Variants in GAP43 observed in about 807,000 individuals in gnomAD.
GAP43 encodes the protein neuromodulin.
A neutral mutation model predicts 18.6 loss-of-function variants in GAP43; 6 were observed. The observed-to-expected ratio is 0.32, with a 90% CI of 0.18 to 0.64. The LOEUF (loss-of-function observed/expected upper bound fraction) is 0.64. GAP43 is among the 30% of genes least tolerant of loss of function. The pLI is 0.78. For synonymous variants in GAP43, 115 were observed against 111.4 expected, an observed-to-expected ratio of 1.03 and a Z score of -0.20; for missense variants, 292 against 295.5, an observed-to-expected ratio of 0.99 and a Z score of 0.09.
In GAP43 at chr3:115,676,002, TC is replaced by T; in HGVS notation, c.31-10del. Reference sequence around the variant, plus strand: ...TGAAGCCCTCTCTTTTCCCTTCTTTTCTCGACAAAGGTTGAAAAAAATGATG... The same window carrying T: ...TGAAGCCCTCTCTTTTCCCTTCTTTTTCGACAAAGGTTGAAAAAAATGATG... On this transcript the variant is annotated splice_polypyrimidine_tract_variant and intron_variant, in intron 1 of 2. Transcript: ENST00000305124. 1 of 1,585,272 alleles carries T rather than the reference TC, an allele frequency of 6.3e-7. No individual in the cohort carries two copies. Among genetic ancestry groups the T allele is most frequent in the South Asian group, 1.2e-5 (1 of 85,344 alleles).
intron 2 of GAP43, among the ~76,000 whole-genome samples, chr3:115,698,133 T>TATATA (rs1709233768): frequency 2.1e-4 from 2 of 9,418 alleles, no homozygotes; most frequent in South Asian, 3.5e-3. Flanking sequence ...TTATATATAA[T>TATATA]ATATATAATA....
intron 2 of GAP43, among the ~76,000 whole-genome samples, chr3:115,709,689 T>G (rs1428274280): frequency 6.6e-6 from 1 of 152,178 alleles, no homozygotes; most frequent in Non-Finnish European, 1.5e-5. Flanking sequence ...TTCAAGGTGA[T>G]GTACAAACAT....
chr3:115,715,112 T>C (rs764261153), intron 2 of GAP43, among the ~76,000 whole-genome samples: 1 of 152,120 alleles, frequency 6.6e-6, no homozygotes, highest in Non-Finnish European at 1.5e-5. Context: ...CTCCCAAAGA[T>C]TCCTACTCCT....
At chr3:115,683,143 GCGCGCACACACACA>G (rs1708982209) in intron 2 of GAP43, among the ~76,000 whole-genome samples, 49 of 126,128 alleles carry the variant, frequency 3.9e-4, no homozygotes, top group Admixed American at 3.0e-3. Flanking sequence ...GTGCGCGCGC[GCGCGCACACACACA>G]CACACACACA....
At chr3:115,693,517 C>T (rs1259245751) in intron 2 of GAP43, among the ~76,000 whole-genome samples, 5 of 151,904 alleles carry the variant, frequency 3.3e-5, no homozygotes, top group Non-Finnish European at 5.9e-5. Context: ...TTTATTTTAA[C>T]GGTGAGGAAA....
intron 2 of GAP43, among the ~76,000 whole-genome samples, chr3:115,712,695 C>A (rs897911089): frequency 1.3e-5 from 2 of 152,160 alleles, no homozygotes; most frequent in Non-Finnish European, 2.9e-5. Context: ...GGAAAAGCAT[C>A]TTCTCTGAAG....
intron 1 of GAP43, among the ~76,000 whole-genome samples, chr3:115,647,758 C>CA (rs111391501): frequency 0.075 from 9,938 of 132,040 alleles, 613 homozygotes; most frequent in African/African-American, 0.17. Context: ...AACAAAAAAA[C>CA]AAAAAAAAAA....
intron 2 of GAP43, among the ~76,000 whole-genome samples, chr3:115,714,782 G>T (rs1404700916): frequency 1.3e-5 from 2 of 151,492 alleles, no homozygotes; most frequent in African/African-American, 4.9e-5. Context: ...TGGTAAAGAT[G>T]GATTTGGGGA....
At chr3:115,692,431 AG>A (rs1709126932) in intron 2 of GAP43, among the ~76,000 whole-genome samples, 1 of 152,160 alleles carries the variant, frequency 6.6e-6, no homozygotes, top group Non-Finnish European at 1.5e-5. Context: ...TGGAAGTTAC[AG>A]TCTGGATGGG....
intron 2 of GAP43, among the ~76,000 whole-genome samples, chr3:115,689,025 A>G (rs1316186295): frequency 2.0e-5 from 3 of 152,154 alleles, no homozygotes; most frequent in African/African-American, 7.2e-5. Flanking sequence ...TCTTGAATGT[A>G]TACAGCTTGC....
At chr3:115,702,128 T>C (rs928746006) in intron 2 of GAP43, among the ~76,000 whole-genome samples, 10 of 152,092 alleles carry the variant, frequency 6.6e-5, no homozygotes, top group African/African-American at 2.4e-4. Flanking sequence ...GGAGTCAAGA[T>C]TGTACTTACT....
At chr3:115,711,236 G>A (rs2107375505) in intron 2 of GAP43, among the ~76,000 whole-genome samples, 2 of 152,276 alleles carry the variant, frequency 1.3e-5, no homozygotes, top group South Asian at 2.1e-4. Flanking sequence ...TCATATGTGT[G>A]TGTGTGTGCA....
intron 1 of GAP43, among the ~76,000 whole-genome samples, chr3:115,657,590 G>A (rs11720220): frequency 0.17 from 26,004 of 152,126 alleles, 2,756 homozygotes; most frequent in Admixed American, 0.26. Context: ...AAGCTATCAG[G>A]TACAAGTATG....
chr3:115,635,380 C>G (rs924376986), intron 1 of GAP43, among the ~76,000 whole-genome samples: 8 of 152,082 alleles, frequency 5.3e-5, no homozygotes, highest in African/African-American at 1.9e-4. Context: ...GGACAATTAA[C>G]TGGAGAACTG....
At chr3:115,637,595 C>T (rs905451250) in intron 1 of GAP43, among the ~76,000 whole-genome samples, 1 of 152,048 alleles carries the variant, frequency 6.6e-6, no homozygotes, top group Admixed American at 6.6e-5. Flanking sequence ...CTTATACTTG[C>T]ATGTTCTTAC....
intron 2 of GAP43, among the ~76,000 whole-genome samples, chr3:115,707,634 ACTCT>A (rs1448141170): frequency 2.6e-5 from 4 of 151,724 alleles, no homozygotes; most frequent in Non-Finnish European, 5.9e-5. Flanking sequence ...TCTAGAATCA[ACTCT>A]CTTAACTACT....
At chr3:115,651,333 C>T (rs1163934547) in intron 1 of GAP43, among the ~76,000 whole-genome samples, 5 of 152,168 alleles carry the variant, frequency 3.3e-5, no homozygotes, top group African/African-American at 7.2e-5. Context: ...TCCATGCACA[C>T]TCTGCACATA....
intron 2 of GAP43, among the ~76,000 whole-genome samples, chr3:115,714,624 A>G (rs1709478804): frequency 6.6e-6 from 1 of 152,124 alleles, no homozygotes; most frequent in African/African-American, 2.4e-5. Context: ...GTCTTGAAAA[A>G]ACTTTTTTCC....
At chr3:115,681,340 C>G (rs770874425) in intron 2 of GAP43, among the ~76,000 whole-genome samples, 1 of 152,194 alleles carries the variant, frequency 6.6e-6, no homozygotes, top group Non-Finnish European at 1.5e-5. Flanking sequence ...TCTAAATCCT[C>G]ACCTTAACTG....
Sources: allele counts gnomAD v4.1 joint callset (sites outside exome capture counted in the v4.1 genomes callset), GRCh38; gene constraint gnomAD v4.1.1; transcripts MANE v1.5; gene names NCBI Gene and HGNC (gene_info 2026-07-23, HGNC 2026-07-21).